Variants in PCGF3 observed in about 807,000 individuals in gnomAD.
The protein encoded by PCGF3 is polycomb group ring finger 3.
In PCGF3, 7 loss-of-function variants were observed where a neutral mutation model predicts 33.1. The observed-to-expected ratio is 0.21, with a 90% CI of 0.12 to 0.40. The LOEUF (loss-of-function observed/expected upper bound fraction) is 0.40, where lower values mean the gene tolerates loss of function less well. PCGF3 is among the 10% of genes least tolerant of loss of function. The pLI is 1.00. For missense variants in PCGF3, 211 were observed against 313.3 expected, an observed-to-expected ratio of 0.67 and a Z score of 2.46; for synonymous variants, 153 against 121.3, an observed-to-expected ratio of 1.26 and a Z score of -1.72.
intron 5 of PCGF3, 56 bp downstream of exon 5, chr4:735,083 C>T: frequency 6.4e-7 from 1 of 1,563,494 alleles, no homozygotes; most frequent in South Asian, 1.2e-5. Flanking sequence ...CTGGGCGTCT[C>T]TGTGTGTGGG....
intron 4 of PCGF3, 89 bp from the exon 5 acceptor site, chr4:734,842 C>A: frequency 6.6e-7 from 1 of 1,517,672 alleles, no homozygotes; most frequent in South Asian, 1.3e-5. Flanking sequence ...GAAACGAGCT[C>A]AGAGACGCCC....
chr4:736,559 G>A (rs1204718402), intron 5 of PCGF3, among the ~76,000 whole-genome samples: 1 of 125,054 alleles, frequency 8.0e-6, no homozygotes, highest in Non-Finnish European at 1.7e-5. Flanking sequence ...GTGTCCGCAG[G>A]GACGGTGTCC....
chr4:732,118 T>A (rs528445828), intron 3 of PCGF3, among the ~76,000 whole-genome samples: 11 of 59,520 alleles, frequency 1.8e-4, no homozygotes, highest in East Asian at 5.9e-4. Flanking sequence ...TGGGTGGGCG[T>A]GGTCCTCAGG....
intron 1 of PCGF3, 117 bp downstream of exon 1, chr4:706,087 G>T (rs1057197400): frequency 1.9e-5 from 3 of 154,314 alleles, no homozygotes; most frequent in African/African-American, 7.2e-5. Flanking sequence ...CGTCGTCCCC[G>T]TCGGCCTGGC....
At chr4:743,752 T>C in intron 7 of PCGF3, 168 bp downstream of exon 7, 1 of 550,324 alleles carries the variant, frequency 1.8e-6, no homozygotes, top group South Asian at 2.1e-5. Flanking sequence ...TCCTCACTCC[T>C]GGTACCAGTG....
At chr4:712,893 G>A (rs931826942) in intron 1 of PCGF3, among the ~76,000 whole-genome samples, 8 of 152,250 alleles carry the variant, frequency 5.3e-5, no homozygotes, top group Non-Finnish European at 1.2e-4. Flanking sequence ...TGCAAAGAGG[G>A]GAAATCTGTC....
At chr4:711,401 T>A (rs1742554108) in intron 1 of PCGF3, among the ~76,000 whole-genome samples, 1 of 152,216 alleles carries the variant, frequency 6.6e-6, no homozygotes, top group African/African-American at 2.4e-5. Flanking sequence ...GCAGCCTTAT[T>A]TTTGGTTAAT....
chr4:736,678 C>T (rs1743846980), intron 5 of PCGF3, among the ~76,000 whole-genome samples: 2 of 138,886 alleles, frequency 1.4e-5, no homozygotes, highest in Admixed American at 7.0e-5. Flanking sequence ...GTCTCCTGAG[C>T]GCACAGGATG....
At chr4:749,103 C>T (rs1744398514) in intron 8 of PCGF3, among the ~76,000 whole-genome samples, 2 of 152,206 alleles carry the variant, frequency 1.3e-5, no homozygotes, top group African/African-American at 4.8e-5. Flanking sequence ...CCTTGACGTG[C>T]TAAAGATTTA....
chr4:769,583 G>A (rs1411082772), exon 11 of PCGF3: 2 of 152,660 alleles, frequency 1.3e-5, no homozygotes, highest in Admixed American at 6.5e-5. Context: ...ATTTGTACGG[G>A]ACAGGGTGCG....
rs998734838 is a variant in PCGF3 at position 720,898 on chromosome 4, G to A, written c.-189-9732G>A. ...ACTTGTGTGGAGGGTGAATTAGTGCGAGGGCGGCTTGGAGAAGCCTGTCCT... is the reference window on the plus strand; with the variant it reads ...ACTTGTGTGGAGGGTGAATTAGTGCAAGGGCGGCTTGGAGAAGCCTGTCCT... On this transcript the variant is annotated intron_variant, in intron 1 of 10. Coordinates refer to ENST00000362003, the Ensembl canonical transcript of PCGF3. The surrounding 1 kb of genome is among the most constrained non-coding windows in gnomAD (Gnocchi z 5.6). 3.3e-5 allele frequency among the ~76,000 whole-genome samples: 5 copies of A among 152,178 alleles called. No individual in the cohort carries two copies. In the East Asian group the frequency reaches 9.6e-4, roughly 29 times the overall value.
intron 8 of PCGF3, among the ~76,000 whole-genome samples, chr4:760,686 C>T (rs1745003773): frequency 6.6e-6 from 1 of 152,250 alleles, no homozygotes. Context: ...ATCTTGGGGG[C>T]CAAGCCGGCC....
intron 8 of PCGF3, among the ~76,000 whole-genome samples, chr4:758,488 C>T (rs59438465): frequency 0.2 from 26,155 of 127,970 alleles, 3,280 homozygotes; most frequent in Middle Eastern, 0.35. Flanking sequence ...GCCCCTCTCC[C>T]GAGCTCTTCT....
At chr4:734,830 C>T (rs1743761701) in intron 4 of PCGF3, 101 bp from the exon 5 acceptor site, 2 of 1,497,842 alleles carry the variant, frequency 1.3e-6, no homozygotes, top group South Asian at 1.3e-5. Context: ...AGCATCTGCA[C>T]AGAAACGAGC....
chr4:736,555 G>T (rs1445012469), intron 5 of PCGF3, among the ~76,000 whole-genome samples: 1 of 124,204 alleles, frequency 8.1e-6, no homozygotes, highest in African/African-American at 3.2e-5. Flanking sequence ...TGGGGTGTCC[G>T]CAGGGACGGT....
At chr4:730,821 A>G (rs975970448) in intron 2 of PCGF3, 149 bp from the exon 3 acceptor site, 21 of 391,820 alleles carry the variant, frequency 5.4e-5, no homozygotes, top group African/African-American at 3.7e-4. Flanking sequence ...GTGGGTCCTT[A>G]GCTTTTCTCC....
chr4:740,358 G>T (rs1744033167), intron 6 of PCGF3, among the ~76,000 whole-genome samples: 1 of 152,236 alleles, frequency 6.6e-6, no homozygotes, highest in South Asian at 2.1e-4. Context: ...GTGGTTTGTT[G>T]TTTCTTTTTG....
chr4:743,710 G>A (rs1744193795), intron 7 of PCGF3, 126 bp downstream of exon 7: 2 of 633,162 alleles, frequency 3.2e-6, no homozygotes, highest in Admixed American at 5.2e-5. Flanking sequence ...GGGAACCTGA[G>A]GGTGTGGGGC....
intron 1 of PCGF3, among the ~76,000 whole-genome samples, chr4:710,680 T>C (rs1745724969): frequency 1.3e-5 from 2 of 152,152 alleles, no homozygotes; most frequent in African/African-American, 4.8e-5. Context: ...AGAAGATAAA[T>C]TACAGATAGA....
Sources: allele counts gnomAD v4.1 joint callset (sites outside exome capture counted in the v4.1 genomes callset), GRCh38; gene constraint gnomAD v4.1.1; non-coding constraint Gnocchi (gnomAD v3.1); transcripts MANE v1.5; gene names NCBI Gene and HGNC (gene_info 2026-07-23, HGNC 2026-07-21).